DHRS12: variants seen among roughly 807,000 people sequenced by gnomAD.
DHRS12 encodes the protein dehydrogenase/reductase SDR family member 12.
A neutral mutation model predicts 32.1 loss-of-function variants in DHRS12; 29 were observed. The ratio of observed to expected loss-of-function variants is 0.90; its 90% CI spans 0.67 to 1.23. The LOEUF is 1.23. Among genes scored for constraint, DHRS12 ranks in the 50% most tolerant of loss-of-function variants. DHRS12 has a pLI of 0.00. For synonymous variants in DHRS12, 150 were observed against 135.9 expected, an observed-to-expected ratio of 1.10 and a Z score of -0.72; for missense variants, 330 against 337.2, an observed-to-expected ratio of 0.98 and a Z score of 0.17.
chr13:51,784,781 C>G (rs567041366), intron 4 of DHRS12, among the ~76,000 whole-genome samples: 53 of 152,324 alleles, frequency 3.5e-4, no homozygotes, highest in Non-Finnish European at 5.1e-4. Context: ...AGTCTCCATA[C>G]CAAACTCCCT....
intron 7 of DHRS12, chr13:51,770,670 T>G (rs1024258139): frequency 2.5e-6 from 2 of 808,752 alleles, no homozygotes; most frequent in South Asian, 1.1e-4. Flanking sequence ...AGGACTAATT[T>G]CTGCCAAATC....
At chr13:51,799,000 G>A (rs1566309791) in intron 2 of DHRS12, among the ~76,000 whole-genome samples, 1 of 152,216 alleles carries the variant, frequency 6.6e-6, no homozygotes, top group Non-Finnish European at 1.5e-5. Context: ...GGAAGCGGGA[G>A]GCTGCTCTAG....
intron 1 of DHRS12, among the ~76,000 whole-genome samples, chr13:51,800,622 G>C (rs1242719528): frequency 6.6e-6 from 1 of 152,226 alleles, no homozygotes; most frequent in Non-Finnish European, 1.5e-5. Context: ...CCCTCCCACA[G>C]GACCTGTTTA....
the DHRS12 span, chr13:51,755,608 C>G: frequency 1.3e-6 from 1 of 746,886 alleles, no homozygotes; most frequent in Non-Finnish European, 2.2e-6. Flanking sequence ...GTAATTTACT[C>G]TGTCTACCAT....
chr13:51,755,622 C>T, the DHRS12 span, among the ~76,000 whole-genome samples: 20,526 of 152,036 alleles, frequency 0.14, 1,894 homozygotes, highest in African/African-American at 0.23. Context: ...CTACCATAGC[C>T]CATTCCTACT....
chr13:51,794,837 A>C (rs1334259700), intron 2 of DHRS12, among the ~76,000 whole-genome samples: 1 of 151,976 alleles, frequency 6.6e-6, no homozygotes, highest in Non-Finnish European at 1.5e-5. Context: ...CTGCTAGACG[A>C]AAGTCTGGAG....
chr13:51,792,009 TTTAAG>T (rs1303278904), intron 2 of DHRS12, among the ~76,000 whole-genome samples: 2 of 152,368 alleles, frequency 1.3e-5, no homozygotes, highest in Admixed American at 6.5e-5. Context: ...TCGATGGACA[TTTAAG>T]TTGTTTCCAC....
chr13:51,756,325 C>G, the DHRS12 span: 1 of 1,612,000 alleles, frequency 6.2e-7, no homozygotes, highest in Non-Finnish European at 8.5e-7. Flanking sequence ...TTATCTCCCT[C>G]CTCCAGCACC....
chr13:51,768,323 G>A (rs1401080759), intron 8 of DHRS12, 27 bp from the exon 9 acceptor site: 19 of 1,535,048 alleles, frequency 1.2e-5, no homozygotes, highest in East Asian at 9.8e-5. Flanking sequence ...ACCGCAGAGA[G>A]GTGTGAGCTG....
At chr13:51,793,173 A>G (rs959348416) in intron 2 of DHRS12, among the ~76,000 whole-genome samples, 5 of 152,174 alleles carry the variant, frequency 3.3e-5, no homozygotes, top group African/African-American at 1.2e-4. Context: ...ATGGTAGTCG[A>G]CTAATGGATC....
intron 2 of DHRS12, among the ~76,000 whole-genome samples, chr13:51,798,780 A>C (rs2139410929): frequency 6.6e-6 from 1 of 152,352 alleles, no homozygotes; most frequent in South Asian, 2.1e-4. Context: ...TTCACAACCT[A>C]GTTCCCCACC....
Position 51,773,932 on chromosome 13 carries a change from T to A in DHRS12, c.466A>T (p.Lys156Ter), listed in dbSNP as rs1367218798. ...CTCAGGAAACCCACCTCACTGACCT[T>A]GTTTTGTGCATAGACCATAGTTCCA... Reference protein sequence around the residue: ...FDGTMVYAQNKRQQVVLTERW... With the variant: ...FDGTMVYAQN The change falls in exon 6 of 9, where the codon AAG becomes TAG. Residue 156 changes from lysine (K) to a stop codon, truncating the protein, a stop_gained and splice_region_variant. Transcript: ENST00000444610. LOFTEE classifies it high-confidence loss of function. The A allele has an allele frequency of 1.2e-6, 2 of 1,613,846 alleles. No homozygotes were observed. The highest frequency in any genetic ancestry group is 3.3e-5 in the Admixed American group (2 of 60,014).
chr13:51,795,105 C>A (rs1225275705), intron 2 of DHRS12, among the ~76,000 whole-genome samples: 2 of 152,196 alleles, frequency 1.3e-5, no homozygotes, highest in Non-Finnish European at 2.9e-5. Context: ...CAGCTGAGAT[C>A]CCCACGTGAC....
intron 7 of DHRS12, chr13:51,771,098 C>T (rs1953987991): frequency 6.8e-7 from 1 of 1,461,304 alleles, no homozygotes. Context: ...GTTCCCTCAT[C>T]TGTAAATGGG....
At chr13:51,769,355 CCTTAA>C in intron 7 of DHRS12, 62 bp from the exon 8 acceptor site, 1 of 1,275,230 alleles carries the variant, frequency 7.8e-7, no homozygotes, top group Admixed American at 3.6e-5. Context: ...GGTTGACTTC[CCTTAA>C]TTTAAAAAAA....
At chr13:51,762,912 A>G in the DHRS12 span, 1 of 152,242 alleles carries the variant, frequency 6.6e-6, no homozygotes, top group Non-Finnish European at 1.5e-5. Context: ...ATTACTTGAC[A>G]TTACTGCCTG....
the DHRS12 span, chr13:51,755,224 A>G: frequency 2.5e-6 from 2 of 797,390 alleles, no homozygotes; most frequent in Non-Finnish European, 4.0e-6. Context: ...TATTTTTTGA[A>G]TGATTGACTG....
intron 4 of DHRS12, among the ~76,000 whole-genome samples, chr13:51,781,108 ACAG>A (rs1366746613): frequency 6.6e-6 from 1 of 152,210 alleles, no homozygotes; most frequent in Non-Finnish European, 1.5e-5. Context: ...CTTCTTTTGT[ACAG>A]TAACAAAAAC....
chr13:51,780,099 C>A (rs923536697), intron 4 of DHRS12, among the ~76,000 whole-genome samples: 3 of 152,078 alleles, frequency 2.0e-5, no homozygotes, highest in African/African-American at 4.8e-5. Context: ...ATCGCTTGAA[C>A]CCAGGAGGCG....
Sources: gnomAD v4.1 joint callset for allele counts (sites outside exome capture counted in the v4.1 genomes callset) on GRCh38, gnomAD v4.1.1 for gene constraint, MANE v1.5 for transcripts, NCBI Gene and HGNC (gene_info 2026-07-23, HGNC 2026-07-21) for gene names.